The following DLG2 variants were observed in gnomAD, a reference collection of about 807,000 sequenced individuals.
DLG2 encodes discs large MAGUK scaffold protein 2, also known as disks large homolog 2.
A neutral mutation model predicts 132.5 loss-of-function variants in DLG2; 45 were observed. The observed-to-expected ratio is 0.34, with a 90% CI of 0.27 to 0.44. The LOEUF (loss-of-function observed/expected upper bound fraction) is 0.44. Among genes scored for constraint, DLG2 ranks in the 20% least tolerant of loss-of-function variants. The pLI is 1.00. For synonymous variants in DLG2, 424 were observed against 419.6 expected (o/e 1.01, Z -0.13); for missense variants, 1,045 against 1,196.9 (o/e 0.87, Z 1.87).
chr11:85,141,222 C>G (rs1232210904), intron 5 of DLG2, among the ~76,000 whole-genome samples: 1 of 151,848 alleles, frequency 6.6e-6, no homozygotes, highest in Non-Finnish European at 1.5e-5. Flanking sequence ...ACATCCTCAC[C>G]AGAACTCATT....
At chr11:83,752,715 T>C (rs1272225175) in intron 18 of DLG2, among the ~76,000 whole-genome samples, 1 of 148,556 alleles carries the variant, frequency 6.7e-6, no homozygotes, top group Non-Finnish European at 1.5e-5. Flanking sequence ...AGTTTTCTCC[T>C]AAGGGATTGA....
At chr11:83,573,090 T>C (rs937067266) in intron 19 of DLG2, among the ~76,000 whole-genome samples, 1 of 152,226 alleles carries the variant, frequency 6.6e-6, no homozygotes, top group African/African-American at 2.4e-5. Context: ...CTAATTGATA[T>C]GTTGGTCTAA....
In DLG2 at chr11:85,449,592, T is replaced by C. The variant is rs184541997; in HGVS notation, c.40+149065A>G. 4.0e-3 allele frequency among the ~76,000 whole-genome samples: 612 copies of C among 152,252 alleles called. 15 individuals are homozygous for C. The highest frequency in any genetic ancestry group is 4.2e-3 in the East Asian group (22 of 5,188). On this transcript the variant is annotated intron_variant, in intron 3 of 27. Transcript: ENST00000376104. The stretch of plus-strand genomic sequence containing the variant: ...CATTTTAAACATTATATGAAGTGTT[T>C]AGTGATATTTTCTGGTAAGTCTCAC...
chr11:85,073,043 C>G (rs1457321870), intron 6 of DLG2, among the ~76,000 whole-genome samples: 1 of 151,728 alleles, frequency 6.6e-6, no homozygotes, highest in Non-Finnish European at 1.5e-5. Context: ...ATTTGTATTC[C>G]ATTAACTAAA....
intron 15 of DLG2, among the ~76,000 whole-genome samples, chr11:83,906,104 T>TACAC (rs1194941494): frequency 2.1e-4 from 17 of 81,282 alleles, no homozygotes; most frequent in Middle Eastern, 4.5e-3. Flanking sequence ...TATATATATA[T>TACAC]ACATATATAG....
chr11:84,392,436 T>C (rs1368817649), intron 7 of DLG2, among the ~76,000 whole-genome samples: 1 of 152,220 alleles, frequency 6.6e-6, no homozygotes. Flanking sequence ...ATGACATTCA[T>C]ATGCCAATGG....
chr11:84,842,550 C>T (rs1049352328), intron 6 of DLG2, among the ~76,000 whole-genome samples: 10 of 151,952 alleles, frequency 6.6e-5, no homozygotes, highest in African/African-American at 1.9e-4. Flanking sequence ...TGCTCTCAAA[C>T]GCACTTTACT....
chr11:84,997,810 C>T (rs998397489), intron 6 of DLG2: 1 of 152,116 alleles, frequency 6.6e-6, no homozygotes, highest in Non-Finnish European at 1.5e-5. Flanking sequence ...CCCAATATTA[C>T]GCTACGTGAT....
At chr11:84,035,306 T>G (rs1045768503) in intron 11 of DLG2, among the ~76,000 whole-genome samples, 1 of 152,200 alleles carries the variant, frequency 6.6e-6, no homozygotes, top group Non-Finnish European at 1.5e-5. Flanking sequence ...CTTGGGGGCA[T>G]AGCAGTGAAC....
intron 6 of DLG2, among the ~76,000 whole-genome samples, chr11:85,106,138 A>G (rs2071711860): frequency 6.6e-6 from 1 of 151,336 alleles, no homozygotes; most frequent in Non-Finnish European, 1.5e-5. Flanking sequence ...CTTCAAAAGA[A>G]CATCTCCTCT....
chr11:85,168,062 AGAGT>A (rs1428629952), intron 4 of DLG2, among the ~76,000 whole-genome samples: 1 of 152,184 alleles, frequency 6.6e-6, no homozygotes, highest in Non-Finnish European at 1.5e-5. Context: ...TCAAGAGAAG[AGAGT>A]ATCAGTTATC....
chr11:84,301,608 G>A (rs2098154342), intron 7 of DLG2, among the ~76,000 whole-genome samples: 2 of 135,508 alleles, frequency 1.5e-5, no homozygotes, highest in South Asian at 4.9e-4. Context: ...GCAGTAAGCC[G>A]AGATCATGCC....
chr11:84,956,521 T>C (rs965674236), intron 6 of DLG2, among the ~76,000 whole-genome samples: 1 of 152,210 alleles, frequency 6.6e-6, no homozygotes, highest in Non-Finnish European at 1.5e-5. Context: ...TTGGCCAAGA[T>C]CACATGCTAA....
chr11:85,496,330 C>T (rs532670368), intron 3 of DLG2, among the ~76,000 whole-genome samples: 5 of 152,260 alleles, frequency 3.3e-5, no homozygotes, highest in African/African-American at 7.2e-5. Context: ...ACCTGGGACA[C>T]GGGAGCTTGG....
At chr11:84,299,166 A>G (rs908155922) in intron 7 of DLG2, among the ~76,000 whole-genome samples, 1 of 152,180 alleles carries the variant, frequency 6.6e-6, no homozygotes, top group African/African-American at 2.4e-5. Flanking sequence ...TCCAACATAG[A>G]CCACTCATTA....
intron 17 of DLG2, among the ~76,000 whole-genome samples, chr11:83,807,827 G>C (rs1337139544): frequency 2.6e-5 from 4 of 152,170 alleles, no homozygotes; most frequent in African/African-American, 9.7e-5. Context: ...GGCACAGAAA[G>C]ATTAGATGCT....
At chr11:83,905,244 C>T (rs1487656065) in intron 15 of DLG2, among the ~76,000 whole-genome samples, 1 of 152,106 alleles carries the variant, frequency 6.6e-6, no homozygotes, top group Admixed American at 6.6e-5. Flanking sequence ...GAAACTGAGG[C>T]AGGGGCTCAG....
chr11:84,929,131 A>G (rs919404312), intron 6 of DLG2, among the ~76,000 whole-genome samples: 2 of 149,986 alleles, frequency 1.3e-5, no homozygotes, highest in African/African-American at 2.5e-5. Flanking sequence ...TACTGCCACC[A>G]TCCCCTGGTG....
At chr11:84,197,627 A>G (rs892026688) in intron 8 of DLG2, among the ~76,000 whole-genome samples, 25 of 152,356 alleles carry the variant, frequency 1.6e-4, no homozygotes, top group African/African-American at 5.8e-4. Context: ...ATTGGACTTA[A>G]AAATGATGTT....
Sources: gnomAD v4.1 joint callset for allele counts (sites outside exome capture counted in the v4.1 genomes callset) on GRCh38, gnomAD v4.1.1 for gene constraint, MANE v1.5 for transcripts, NCBI Gene and HGNC (gene_info 2026-07-23, HGNC 2026-07-21) for gene names.